Variants in GALR1 observed in about 807,000 individuals in gnomAD.
GALR1 encodes galanin receptor 1.
GALR1 carries 11 observed loss-of-function variants against 17.9 expected under a neutral mutation model. That is an observed-to-expected ratio of 0.62 (90% CI 0.39 to 1.02). The LOEUF (loss-of-function observed/expected upper bound fraction) is 1.02. Ranked by LOEUF, GALR1 falls within the 50% of genes least tolerant of loss-of-function variation. The pLI, the probability that GALR1 is intolerant of heterozygous loss-of-function variation, is 0.01. For missense variants in GALR1, 441 were observed against 456.9 expected (o/e 0.97, Z 0.32); for synonymous variants, 206 against 205.7 (o/e 1.00, Z -0.01).
chr18:77,268,568 C>CTCT lies in GALR1; in HGVS notation c.733-9_733-7dup, dbSNP rs752394376. Reference sequence around the variant, plus strand: ...CCTCCTCCTCCTCCTCCTCCTCCTCCTCTTCTTCTTTTCTAGACTGCACAG... The same window carrying CTCT: ...CCTCCTCCTCCTCCTCCTCCTCCTCCTCTTCTTCTTCTTTTCTAGACTGCACAG... On this transcript the variant is annotated splice_polypyrimidine_tract_variant and intron_variant, in intron 2 of 2. Transcript: ENST00000299727. The CTCT allele has an allele frequency of 6.2e-5, 95 of 1,530,690 alleles. No individual in the cohort carries two copies. The African/African-American group carries it at 1.0e-3, about 17-fold the overall frequency. 94.8% of individuals were successfully genotyped at this position (1,530,690 alleles called of 1,614,324 possible).
chr18:77,256,880 G>C (rs1447391419), intron 2 of GALR1, among the ~76,000 whole-genome samples: 2 of 152,028 alleles, frequency 1.3e-5, no homozygotes, highest in African/African-American at 4.8e-5. Context: ...CTACATTTTG[G>C]GGGAAAACTA....
Position 77,256,220 on chromosome 18 carries a change from A to C in GALR1, c.729A>C (p.Lys243Asn). ...NMSKKSEASK[K>N]KTAQTVLVVV... is the part of the protein sequence containing the mutation. ...CAAAGAAGTCTGAAGCATCCAAGAA[A>C]AAGGTAATGATCACAAATATATATA... The change falls in exon 2 of 3, where the codon AAA (lysine) becomes AAC (asparagine). Residue 243 changes from lysine (K) to asparagine (N), a missense_variant. Transcript: ENST00000299727. The C allele has an allele frequency of 6.5e-7, 1 of 1,544,228 alleles. No homozygotes were observed. Among genetic ancestry groups the C allele is most frequent in the Non-Finnish European group, 9.0e-7 (1 of 1,117,158 alleles).
chr18:77,262,565 G>A (rs1912855907), intron 2 of GALR1, among the ~76,000 whole-genome samples: 1 of 152,192 alleles, frequency 6.6e-6, no homozygotes, highest in Admixed American at 6.5e-5. Flanking sequence ...CTCAAAGATA[G>A]CAGGACCAGG....
Position 77,257,954 on chromosome 18 carries a change from A to G in GALR1, c.732+1731A>G, listed in dbSNP as rs182583264. Among the ~76,000 whole-genome samples the G allele has an allele frequency of 2.0e-5, 3 of 152,394 alleles. No individual in the cohort carries two copies. The East Asian group carries it at 5.8e-4, about 29-fold the overall frequency. ...AGATTTTATGCTTACCAAAAGAAAT[A>G]AAACCAAACATTTATTTAACATTTG... is the stretch of plus-strand genomic sequence containing the variant. On this transcript the variant is annotated intron_variant, in intron 2 of 2. Transcript: ENST00000299727.
Position 77,250,376 on chromosome 18 carries a change from C to G in GALR1, c.-173C>G, listed in dbSNP as rs993701794. On this transcript the variant is annotated 5_prime_UTR_variant, in exon 1 of 3. Coordinates refer to ENST00000299727, the MANE Select transcript of GALR1 (RefSeq NM_001480.4). ...GGTCCCGGCGCAAAGACGGTGCCAC[C>G]AGGCACGGCCACCGGATCCCCGCTC... 1.2e-4 allele frequency among the ~76,000 whole-genome samples: 19 copies of G among 152,168 alleles called. No individual in the cohort carries two copies. Among genetic ancestry groups the G allele is most frequent in the African/African-American group, 4.3e-4 (18 of 41,452 alleles).
At chr18:77,251,344 C>A in intron 1 of GALR1, 130 bp downstream of exon 1, 5 of 1,367,416 alleles carry the variant, frequency 3.7e-6, no homozygotes, top group African/African-American at 1.5e-5. Context: ...CCCACTCTGG[C>A]GGCGCTGGTA....
At chr18:77,257,384 C>T (rs1037721421) in intron 2 of GALR1, among the ~76,000 whole-genome samples, 3 of 152,154 alleles carry the variant, frequency 2.0e-5, no homozygotes, top group African/African-American at 7.2e-5. Context: ...CAAGACCATG[C>T]TATGGCTTTA....
chr18:77,259,045 A>T (rs1448976969), intron 2 of GALR1, among the ~76,000 whole-genome samples: 2 of 6,386 alleles, frequency 3.1e-4, no homozygotes, highest in Admixed American at 2.6e-3. Flanking sequence ...CATGATGGTC[A>T]TGGTGGTGAT....
chr18:77,256,018 T>C, intron 1 of GALR1, 140 bp from the exon 2 acceptor site: 2 of 606,908 alleles, frequency 3.3e-6, no homozygotes, highest in Non-Finnish European at 3.0e-6. Flanking sequence ...TGTTACCTAA[T>C]TACCTAATTT....
chr18:77,258,950 CATGGTGGTCATGGTGGCGATTGT>C (rs1912715225), intron 2 of GALR1, among the ~76,000 whole-genome samples: 1 of 91,986 alleles, frequency 1.1e-5, no homozygotes, highest in Non-Finnish European at 2.2e-5. Context: ...TGATGGTGGT[CATGGTGGTCATGGTGGCGATTGT>C]GGTGATGGTG....
intron 1 of GALR1, among the ~76,000 whole-genome samples, chr18:77,253,400 A>G (rs999122707): frequency 2.6e-5 from 4 of 152,230 alleles, no homozygotes; most frequent in Non-Finnish European, 5.9e-5. Flanking sequence ...GAAGTCTGAG[A>G]TTGAGATTCT....
At chr18:77,253,867 AGTCT>A (rs1912525357) in intron 1 of GALR1, 2 of 152,236 alleles carry the variant, frequency 1.3e-5, no homozygotes, top group Non-Finnish European at 2.9e-5. Flanking sequence ...GTAAGGGAGC[AGTCT>A]TTTGCACCAG....
intron 2 of GALR1, among the ~76,000 whole-genome samples, chr18:77,263,250 A>G (rs754115402): frequency 1.3e-5 from 2 of 152,214 alleles, no homozygotes; most frequent in Non-Finnish European, 2.9e-5. Flanking sequence ...CTAATGGATA[A>G]ATGGATTGAT....
At chr18:77,258,918 G>A (rs1224658777) in intron 2 of GALR1, among the ~76,000 whole-genome samples, 11 of 132,746 alleles carry the variant, frequency 8.3e-5, no homozygotes, top group African/African-American at 2.8e-4. Context: ...GGTAGTGGTG[G>A]TGATGATGGT....
In GALR1 at chr18:77,250,593, G is replaced by GCCGGAGCCCCCCGCC; in HGVS notation, c.55_69dup (p.Pro19_Pro23dup). ...ACCTCAGCGAGGGCAACGCGAGCTG[G>GCCGGAGCCCCCCGCC]CCGGAGCCCCCCGCCCCGGAGCCCG... On this transcript the variant is annotated inframe_insertion, in exon 1 of 3. Coordinates refer to ENST00000299727, the MANE Select transcript of GALR1 (RefSeq NM_001480.4). 6.4e-7 allele frequency: 1 copy of GCCGGAGCCCCCCGCC among 1,550,804 alleles called. No individual in the cohort carries two copies. The highest frequency in any genetic ancestry group is 1.2e-5 in the South Asian group (1 of 85,376).
intron 2 of GALR1, among the ~76,000 whole-genome samples, chr18:77,265,409 C>T (rs967297175): frequency 6.6e-6 from 1 of 152,210 alleles, no homozygotes; most frequent in African/African-American, 2.4e-5. Flanking sequence ...TAGCCCCCTT[C>T]CGGGCTGCCT....
chr18:77,260,382 T>C lies in GALR1; in HGVS notation c.732+4159T>C, dbSNP rs545739123. Reference sequence around the variant, plus strand: ...TGGGCCTCTTTCAAAAGGGCACTAGTCTCTGTGTCCTCATAGGGTGGGAGG... The same window carrying C: ...TGGGCCTCTTTCAAAAGGGCACTAGCCTCTGTGTCCTCATAGGGTGGGAGG... On this transcript the variant is annotated intron_variant, in intron 2 of 2. Coordinates refer to ENST00000299727, the MANE Select transcript of GALR1 (RefSeq NM_001480.4). Among the ~76,000 whole-genome samples the C allele has an allele frequency of 2.6e-5, 4 of 152,004 alleles. No homozygotes were observed. In the South Asian group the frequency reaches 8.3e-4, roughly 32 times the overall value.
At chr18:77,258,824 G>C (rs1417061769) in intron 2 of GALR1, among the ~76,000 whole-genome samples, 2 of 108,354 alleles carry the variant, frequency 1.8e-5, no homozygotes, top group Admixed American at 9.7e-5. Flanking sequence ...AGTGGTGGTG[G>C]TGCTGGTGAT....
intron 2 of GALR1, among the ~76,000 whole-genome samples, chr18:77,260,238 A>C (rs1157539939): frequency 6.6e-6 from 1 of 152,166 alleles, no homozygotes; most frequent in Non-Finnish European, 1.5e-5. Context: ...TCTGGTTCAT[A>C]GATGGCCCCT....
Sources: gnomAD v4.1 joint callset for allele counts (sites outside exome capture counted in the v4.1 genomes callset) on GRCh38, gnomAD v4.1.1 for gene constraint, MANE v1.5 for transcripts, NCBI Gene and HGNC (gene_info 2026-07-23, HGNC 2026-07-21) for gene names.